Variants in EPHB1 observed in about 807,000 individuals in gnomAD.
EPHB1 encodes the protein EPH receptor B1.
Under a neutral mutation model 94.4 loss-of-function variants are expected in EPHB1, and 30 were observed. The ratio of observed to expected loss-of-function variants is 0.32; its 90% CI spans 0.24 to 0.43. The LOEUF (loss-of-function observed/expected upper bound fraction) is 0.43, where lower values mean the gene tolerates loss of function less well. Among genes scored for constraint, EPHB1 ranks in the 20% least tolerant of loss-of-function variants. The pLI, the probability that EPHB1 is intolerant of heterozygous loss-of-function variation, is 1.00. For missense variants in EPHB1, 1,055 were observed against 1,308.3 expected, an observed-to-expected ratio of 0.81 and a Z score of 2.99; for synonymous variants, 522 against 489.1, an observed-to-expected ratio of 1.07 and a Z score of -0.89.
In EPHB1 at chr3:135,137,358, T is replaced by G. The variant is rs111367163; in HGVS notation, c.1297+4309T>G. On this transcript the variant is annotated intron_variant, in intron 5 of 15. Transcript: ENST00000398015. ...AGCTGAAAATCCAGATTTAAAATGTTGACAACTGATTAGAAAATTTTAAAG... is the reference window on the plus strand; with the variant it reads ...AGCTGAAAATCCAGATTTAAAATGTGGACAACTGATTAGAAAATTTTAAAG... Among the ~76,000 whole-genome samples, 984 of 152,310 alleles carry G rather than the reference T, an allele frequency of 6.5e-3. 11 individuals carry two copies. The highest frequency in any genetic ancestry group is 0.023 in the African/African-American group (937 of 41,552).
At chr3:135,169,084 A>G (rs1311494510) in intron 9 of EPHB1, among the ~76,000 whole-genome samples, 1 of 152,178 alleles carries the variant, frequency 6.6e-6, no homozygotes, top group East Asian at 1.9e-4. Context: ...ATGCCAGGCC[A>G]TCACATGGTG....
intron 3 of EPHB1, among the ~76,000 whole-genome samples, chr3:135,048,568 C>CTTG (rs1410684809): frequency 1.3e-5 from 2 of 152,124 alleles, no homozygotes; most frequent in Non-Finnish European, 2.9e-5. Context: ...TTGCATCCTT[C>CTTG]CAAAAATACT....
chr3:135,087,702 C>T (rs1938408265), intron 3 of EPHB1, among the ~76,000 whole-genome samples: 1 of 152,064 alleles, frequency 6.6e-6, no homozygotes, highest in African/African-American at 2.4e-5. Context: ...AATTAGTTGC[C>T]CATATGTCAT....
At position 135,260,451 on chromosome 3, in the gene EPHB1, T is replaced by C. The variant is rs1416783977; in HGVS notation, c.*1331T>C. The C allele has an allele frequency of 1.4e-5, 3 of 221,216 alleles. No homozygotes were observed. The highest frequency in any genetic ancestry group is 2.7e-5 in the Non-Finnish European group (3 of 110,186). 13.7% of individuals were successfully genotyped at this position (221,216 alleles called of 1,614,324 possible). On this transcript the variant is annotated 3_prime_UTR_variant, in exon 16 of 16. Transcript: ENST00000398015. ...TCTAATTAAAAAGAGCAGAAGCATGTCTGGGTTTACGTAAAATGGTGTCAG... is the reference window on the plus strand; with the variant it reads ...TCTAATTAAAAAGAGCAGAAGCATGCCTGGGTTTACGTAAAATGGTGTCAG...
At chr3:135,123,722 C>T (rs1940077412) in intron 4 of EPHB1, among the ~76,000 whole-genome samples, 1 of 148,136 alleles carries the variant, frequency 6.8e-6, no homozygotes, top group Non-Finnish European at 1.5e-5. Context: ...AATAATGCCT[C>T]ATAGAATTTT....
chr3:135,015,897 C>T (rs1227645404), intron 3 of EPHB1, among the ~76,000 whole-genome samples: 2 of 152,138 alleles, frequency 1.3e-5, no homozygotes, highest in African/African-American at 2.4e-5. Flanking sequence ...AGGACCCAGA[C>T]AGGACAAAGG....
At chr3:135,029,488 A>C (rs953996684) in intron 3 of EPHB1, among the ~76,000 whole-genome samples, 2 of 147,622 alleles carry the variant, frequency 1.4e-5, no homozygotes, top group African/African-American at 4.9e-5. Flanking sequence ...TATGAAGCTT[A>C]GTTTGGCTGG....
intron 1 of EPHB1, among the ~76,000 whole-genome samples, chr3:134,913,072 T>C (rs1333493601): frequency 6.6e-6 from 1 of 152,212 alleles, no homozygotes; most frequent in Non-Finnish European, 1.5e-5. Flanking sequence ...CCTGTGTTTG[T>C]CTCACTGGCT....
At chr3:135,177,849 G>C (rs969037741) in intron 9 of EPHB1, among the ~76,000 whole-genome samples, 10 of 152,164 alleles carry the variant, frequency 6.6e-5, no homozygotes, top group Admixed American at 5.2e-4. Flanking sequence ...TTTATAACAA[G>C]TCAAAAAGGA....
intron 3 of EPHB1, among the ~76,000 whole-genome samples, chr3:135,021,133 T>C (rs937384009): frequency 6.6e-6 from 1 of 152,226 alleles, no homozygotes; most frequent in African/African-American, 2.4e-5. Flanking sequence ...TTATTGTTTT[T>C]ACAGTCTTTC....
chr3:134,838,746 A>G (rs772885601), intron 1 of EPHB1, among the ~76,000 whole-genome samples: 41 of 152,328 alleles, frequency 2.7e-4, no homozygotes, highest in Non-Finnish European at 5.3e-4. Context: ...TATTAATAAG[A>G]CAAATCATGT....
intron 6 of EPHB1, among the ~76,000 whole-genome samples, chr3:135,155,963 G>A (rs1941340908): frequency 1.3e-5 from 2 of 151,854 alleles, no homozygotes; most frequent in African/African-American, 2.4e-5. Context: ...GAGGATGATG[G>A]TGTAATCAGG....
At chr3:134,981,467 T>A (rs1934399755) in intron 3 of EPHB1, among the ~76,000 whole-genome samples, 1 of 152,180 alleles carries the variant, frequency 6.6e-6, no homozygotes, top group African/African-American at 2.4e-5. Context: ...GTGACACATA[T>A]TACTTCTATT....
At chr3:135,072,441 A>T (rs1295098889) in intron 3 of EPHB1, among the ~76,000 whole-genome samples, 1 of 152,138 alleles carries the variant, frequency 6.6e-6, no homozygotes, top group East Asian at 1.9e-4. Flanking sequence ...CCCCGCAGTG[A>T]CTTATTTCAC....
At chr3:135,195,558 C>T (rs1942578775) in intron 11 of EPHB1, among the ~76,000 whole-genome samples, 1 of 149,596 alleles carries the variant, frequency 6.7e-6, no homozygotes, top group East Asian at 2.0e-4. Flanking sequence ...TTGTTCAATT[C>T]CCACCTATGA....
intron 3 of EPHB1, among the ~76,000 whole-genome samples, chr3:134,985,217 G>A (rs1197960283): frequency 1.3e-5 from 2 of 152,032 alleles, no homozygotes; most frequent in Non-Finnish European, 2.9e-5. Flanking sequence ...TCCATGGTGC[G>A]ATCTCAGCTC....
At chr3:135,039,782 C>T (rs1338776518) in intron 3 of EPHB1, among the ~76,000 whole-genome samples, 3 of 152,242 alleles carry the variant, frequency 2.0e-5, no homozygotes, top group Non-Finnish European at 2.9e-5. Context: ...AAGCGCCGCA[C>T]GCAGCCCCGG....
At chr3:134,847,188 A>G (rs920543535) in intron 1 of EPHB1, among the ~76,000 whole-genome samples, 2 of 151,502 alleles carry the variant, frequency 1.3e-5, no homozygotes, top group African/African-American at 4.9e-5. Flanking sequence ...AAAAAAAACC[A>G]CAAAGAGAGG....
chr3:134,957,164 T>C (rs1933309333), intron 3 of EPHB1, among the ~76,000 whole-genome samples: 1 of 152,084 alleles, frequency 6.6e-6, no homozygotes, highest in African/African-American at 2.4e-5. Context: ...AGGGAAGGCA[T>C]GAGAGCCCTC....
Sources: allele counts gnomAD v4.1 joint callset (sites outside exome capture counted in the v4.1 genomes callset), GRCh38; gene constraint gnomAD v4.1.1; transcripts MANE v1.5; gene names NCBI Gene and HGNC (gene_info 2026-07-23, HGNC 2026-07-21).